CFH: variants seen among roughly 807,000 people sequenced by gnomAD.
CFH encodes the protein H factor 1 (complement).
Under a neutral mutation model 147.3 loss-of-function variants are expected in CFH, and 53 were observed. That is an observed-to-expected ratio of 0.36 (90% CI 0.29 to 0.45). CFH has a LOEUF of 0.45. Among genes scored for constraint, CFH ranks in the 20% least tolerant of loss-of-function variants. The probability of loss-of-function intolerance (pLI) is 1.00; values close to 1 mark genes in which losing one functional copy is unlikely to be tolerated. For synonymous variants in CFH, 536 were observed against 489.4 expected, an observed-to-expected ratio of 1.10 and a Z score of -1.26; for missense variants, 1,380 against 1,498.0, an observed-to-expected ratio of 0.92 and a Z score of 1.30.
In CFH at chr1:196,692,314, C is replaced by T. The variant is rs548903336; in HGVS notation, c.1336+2075C>T. 2.3e-5 allele frequency: 11 copies of T among 480,128 alleles called. No homozygotes were observed. In the South Asian group the frequency reaches 7.3e-4, roughly 32 times the overall value. The allele number at this position is 480,128 out of a possible 1,614,324, so 29.7% of individuals were successfully genotyped here. On this transcript the variant is annotated intron_variant, in intron 9 of 21. Transcript: ENST00000367429. The stretch of plus-strand genomic sequence containing the variant: ...ACCCAAATCTTTTTGCTTCATCAGT[C>T]TCTTTTTTGTCTCATCATTCAGTGT...
At chr1:196,725,926 C>T (rs1243299450) in intron 12 of CFH, among the ~76,000 whole-genome samples, 1 of 152,164 alleles carries the variant, frequency 6.6e-6, no homozygotes, top group Non-Finnish European at 1.5e-5. Context: ...AGGTGACAAA[C>T]ATTTAAACCA....
At chr1:196,714,635 G>GTATGTA (rs1553278044) in intron 10 of CFH, among the ~76,000 whole-genome samples, 51 of 24,926 alleles carry the variant, frequency 2.0e-3, no homozygotes, top group Non-Finnish European at 3.3e-3. Context: ...ACGTATATAT[G>GTATGTA]TATATATATA....
At chr1:196,738,674 C>T (rs1652681578) in intron 17 of CFH, among the ~76,000 whole-genome samples, 1 of 152,046 alleles carries the variant, frequency 6.6e-6, no homozygotes, top group African/African-American at 2.4e-5. Context: ...TGGCTTTGTC[C>T]CCCTCCTGGT....
intron 20 of CFH, among the ~76,000 whole-genome samples, chr1:196,744,316 C>T (rs977959127): frequency 3.3e-5 from 5 of 151,996 alleles, no homozygotes; most frequent in African/African-American, 9.7e-5. Flanking sequence ...GGACCATTTA[C>T]ACTTAAAATA....
At chr1:196,735,920 A>T (rs1345623894) in intron 15 of CFH, among the ~76,000 whole-genome samples, 2 of 152,048 alleles carry the variant, frequency 1.3e-5, no homozygotes, top group Non-Finnish European at 2.9e-5. Flanking sequence ...ACTTAAAATC[A>T]TTGCCATGAT....
At chr1:196,743,657 T>C (rs1652896441) in intron 20 of CFH, 29 bp downstream of exon 20, 1 of 1,613,436 alleles carries the variant, frequency 6.2e-7, no homozygotes, top group Non-Finnish European at 8.5e-7. Context: ...TTTAACATTT[T>C]GGGGGAGTAT....
chr1:196,691,564 T>C (rs1274855788), intron 9 of CFH, among the ~76,000 whole-genome samples: 1 of 151,916 alleles, frequency 6.6e-6, no homozygotes, highest in Admixed American at 6.6e-5. Context: ...TATTTAATGC[T>C]TCTAATCTTT....
chr1:196,746,263 G>C (rs1477559884), intron 21 of CFH, among the ~76,000 whole-genome samples: 3 of 152,046 alleles, frequency 2.0e-5, no homozygotes, highest in Admixed American at 6.5e-5. Context: ...TGGCTAACAC[G>C]GTGAAACCCC....
intron 1 of CFH, among the ~76,000 whole-genome samples, chr1:196,654,851 G>A (rs2149065577): frequency 6.6e-6 from 1 of 152,166 alleles, no homozygotes; most frequent in South Asian, 2.1e-4. Context: ...GAGAATAGTG[G>A]TCTAAAATCC....
chr1:196,657,731 T>C (rs1039695568), intron 1 of CFH, among the ~76,000 whole-genome samples: 2 of 152,210 alleles, frequency 1.3e-5, no homozygotes, highest in African/African-American at 2.4e-5. Context: ...GTAACTTTGC[T>C]TTATAATATA....
At chr1:196,703,132 C>T (rs1349864454) in intron 9 of CFH, among the ~76,000 whole-genome samples, 1 of 152,136 alleles carries the variant, frequency 6.6e-6, no homozygotes, top group African/African-American at 2.4e-5. Flanking sequence ...AAATAAAACA[C>T]AAGGAATAAT....
At chr1:196,682,552 C>A (rs1667692326) in intron 6 of CFH, among the ~76,000 whole-genome samples, 1 of 151,078 alleles carries the variant, frequency 6.6e-6, no homozygotes, top group South Asian at 2.1e-4. Flanking sequence ...CATCTCATAG[C>A]TTTTGACTTC....
intron 9 of CFH, among the ~76,000 whole-genome samples, chr1:196,698,669 C>T (rs975293688): frequency 2.6e-5 from 4 of 152,158 alleles, no homozygotes; most frequent in African/African-American, 9.7e-5. Context: ...GGTACCATTC[C>T]TTTGGAAACT....
intron 15 of CFH, among the ~76,000 whole-genome samples, chr1:196,733,006 C>T: frequency 1.3e-5 from 2 of 152,090 alleles, no homozygotes; most frequent in Middle Eastern, 6.8e-3. Flanking sequence ...TAGGGCCTTT[C>T]AGGAATGCAG....
chr1:196,715,713 C>G lies in CFH; in HGVS notation c.1640C>G (p.Thr547Ser), dbSNP rs1411328323. Residue 547 changes from threonine (T) to serine (S), a missense_variant, in exon 11 of 22, where the codon ACC (threonine) becomes AGC (serine). By Grantham distance (58) the Thr-to-Ser change is moderately conservative (BLOSUM62 1). Transcript: ENST00000367429. The stretch of plus-strand genomic sequence containing the variant: ...GGTTATGAAAGCAATACTGGAAGCA[C>G]CACTGGTTCCATAGTGTGTGGTTAC... ...HDGYESNTGS[T>S]TGSIVCGYNG... The G allele has an allele frequency of 1.2e-6, 2 of 1,612,526 alleles. No individual in the cohort carries two copies. Among genetic ancestry groups the G allele is most frequent in the Non-Finnish European group, 1.7e-6 (2 of 1,179,066 alleles).
intron 1 of CFH, among the ~76,000 whole-genome samples, chr1:196,663,137 A>G (rs1666964354): frequency 1.3e-5 from 2 of 151,996 alleles, no homozygotes; most frequent in Non-Finnish European, 2.9e-5. Context: ...GTGTTTTTTT[A>G]CTGCTTGGAA....
intron 1 of CFH, among the ~76,000 whole-genome samples, chr1:196,663,130 T>A (rs1458148123): frequency 6.6e-6 from 1 of 152,140 alleles, no homozygotes; most frequent in Non-Finnish European, 1.5e-5. Flanking sequence ...TATAGGTGTG[T>A]TTTTTTACTG....
At chr1:196,742,604 G>A (rs1235999675) in intron 19 of CFH, among the ~76,000 whole-genome samples, 1 of 152,092 alleles carries the variant, frequency 6.6e-6, no homozygotes. Flanking sequence ...TAAACCGGTA[G>A]CATCATCATC....
At position 196,665,443 on chromosome 1, in the gene CFH, T is replaced by C. The variant is rs376294684; in HGVS notation, c.59-7535T>C. Among the ~76,000 whole-genome samples, 396 of 151,596 alleles carry C rather than the reference T, an allele frequency of 2.6e-3. 2 individuals are homozygous for C. Among genetic ancestry groups the C allele is most frequent in the East Asian group, 0.014 (71 of 5,184 alleles). ...ATGACATATCATCATATATAGCAGA[T>C]AATTAAAAAATTATAAAAGAATGAA... On this transcript the variant is annotated intron_variant, in intron 1 of 21. Coordinates refer to ENST00000367429, the MANE Select transcript of CFH (RefSeq NM_000186.4).
Sources: allele counts gnomAD v4.1 joint callset (sites outside exome capture counted in the v4.1 genomes callset), GRCh38; gene constraint gnomAD v4.1.1; transcripts MANE v1.5; gene names NCBI Gene and HGNC (gene_info 2026-07-23, HGNC 2026-07-21).